The following GUCY1A2 variants were observed in gnomAD, a reference collection of about 807,000 sequenced individuals.
GUCY1A2 encodes the protein guanylate cyclase 1 soluble subunit alpha 2.
In GUCY1A2, 27 loss-of-function variants were observed where a neutral mutation model predicts 63.5. The ratio of observed to expected loss-of-function variants is 0.43; its 90% CI spans 0.31 to 0.59. The LOEUF (loss-of-function observed/expected upper bound fraction) is 0.59. Among genes scored for constraint, GUCY1A2 ranks in the 20% least tolerant of loss-of-function variants. GUCY1A2 has a pLI of 0.11. For synonymous variants in GUCY1A2, 364 were observed against 343.5 expected (o/e 1.06, Z -0.66); for missense variants, 768 against 913.3 (o/e 0.84, Z 2.05).
At chr11:106,997,002 T>G (rs565946857) in intron 1 of GUCY1A2, among the ~76,000 whole-genome samples, 2 of 152,248 alleles carry the variant, frequency 1.3e-5, no homozygotes, top group Non-Finnish European at 2.9e-5. Flanking sequence ...AATCACTTTT[T>G]CTGGAAAAAA....
At chr11:106,904,811 C>T (rs1860181928) in intron 4 of GUCY1A2, among the ~76,000 whole-genome samples, 1 of 151,614 alleles carries the variant, frequency 6.6e-6, no homozygotes, top group African/African-American at 2.4e-5. Context: ...TATGACATGA[C>T]TCCTTGAGGA....
intron 6 of GUCY1A2, among the ~76,000 whole-genome samples, chr11:106,770,763 A>G (rs1318199683): frequency 6.6e-6 from 1 of 151,448 alleles, no homozygotes; most frequent in African/African-American, 2.4e-5. Context: ...ATGTGTTACA[A>G]TACATGTAAA....
intron 2 of GUCY1A2, among the ~76,000 whole-genome samples, chr11:106,979,617 A>G (rs1017258235): frequency 6.6e-6 from 1 of 152,168 alleles, no homozygotes; most frequent in African/African-American, 2.4e-5. Context: ...AAATGGAGGT[A>G]CCTTCTAGAG....
intron 1 of GUCY1A2, among the ~76,000 whole-genome samples, chr11:107,004,445 A>G (rs1275680349): frequency 3.3e-5 from 5 of 152,044 alleles, no homozygotes; most frequent in Non-Finnish European, 7.4e-5. Flanking sequence ...CCCCTCCCCC[A>G]TGAGTTATTT....
chr11:106,761,595 T>C (rs1864067473), intron 6 of GUCY1A2, among the ~76,000 whole-genome samples: 1 of 152,142 alleles, frequency 6.6e-6, no homozygotes, highest in Admixed American at 6.5e-5. Context: ...AATTTTTAAA[T>C]CTAAATATCA....
chr11:106,941,849 TA>T (rs1333590972), intron 3 of GUCY1A2, among the ~76,000 whole-genome samples: 1 of 152,234 alleles, frequency 6.6e-6, no homozygotes, highest in Admixed American at 6.6e-5. Context: ...GTAGAAAACC[TA>T]AGTGAGAAAC....
intron 3 of GUCY1A2, among the ~76,000 whole-genome samples, chr11:106,947,005 T>C (rs555147690): frequency 6.6e-6 from 1 of 152,008 alleles, no homozygotes; most frequent in African/African-American, 2.4e-5. Context: ...GATAATGAAG[T>C]CAGGAATTCG....
chr11:106,855,893 T>TTTTCTTTTTTTTTTTA (rs536833371), intron 4 of GUCY1A2, among the ~76,000 whole-genome samples: 24 of 94,428 alleles, frequency 2.5e-4, no homozygotes, highest in Non-Finnish European at 2.3e-4. Context: ...GTCTCTTGTA[T>TTTTCTTTTTTTTTTTA]TTTATTTATT....
chr11:106,957,855 CT>C (rs59519013), intron 3 of GUCY1A2, among the ~76,000 whole-genome samples: 225 of 87,216 alleles, frequency 2.6e-3, no homozygotes, highest in Non-Finnish European at 4.0e-3. Context: ...AAGGGACAAA[CT>C]TTTTTTTTTT....
Position 106,828,019 on chromosome 11 carries a change from C to G in GUCY1A2, c.1207-17541G>C, listed in dbSNP as rs981419076. ...CCAGAGAATCCGACCTACGGGTGCT[C>G]GGGCCCTTTGCCCACTTTTAATGTA... On this transcript the variant is annotated intron_variant, in intron 4 of 7. Transcript: ENST00000526355. 1.2e-5 allele frequency: 8 copies of G among 654,372 alleles called. No homozygotes were observed. In the Admixed American group the frequency reaches 1.9e-4, roughly 16 times the overall value. The allele number at this position is 654,372 out of a possible 1,614,324, so 40.5% of individuals were successfully genotyped here.
chr11:106,748,880 A>G (rs1422059746), intron 6 of GUCY1A2, among the ~76,000 whole-genome samples: 2 of 152,144 alleles, frequency 1.3e-5, no homozygotes, highest in Non-Finnish European at 2.9e-5. Flanking sequence ...AACAGAATAG[A>G]AAACATCAGA....
intron 5 of GUCY1A2, among the ~76,000 whole-genome samples, chr11:106,804,555 G>C (rs1385743133): frequency 6.6e-6 from 1 of 152,200 alleles, no homozygotes; most frequent in Non-Finnish European, 1.5e-5. Flanking sequence ...ATGCTGAAGT[G>C]ATATCCTTGA....
intron 3 of GUCY1A2, among the ~76,000 whole-genome samples, chr11:106,974,243 A>T (rs1030099760): frequency 6.6e-6 from 1 of 152,132 alleles, no homozygotes; most frequent in African/African-American, 2.4e-5. Flanking sequence ...GAAGTTATTT[A>T]TTGCTATTAA....
intron 6 of GUCY1A2, among the ~76,000 whole-genome samples, chr11:106,766,755 GAGTT>G (rs1353526653): frequency 1.3e-5 from 2 of 151,998 alleles, no homozygotes; most frequent in African/African-American, 4.8e-5. Flanking sequence ...CATATTGTAA[GAGTT>G]AGGCTACTCA....
At chr11:106,959,020 T>G (rs1861026084) in intron 3 of GUCY1A2, among the ~76,000 whole-genome samples, 2 of 152,210 alleles carry the variant, frequency 1.3e-5, no homozygotes, top group South Asian at 4.1e-4. Flanking sequence ...TAAGCACTGC[T>G]TCTTTAGCAT....
intron 6 of GUCY1A2, among the ~76,000 whole-genome samples, chr11:106,722,784 CTGTGTGTGTG>C (rs5794487): frequency 8.3e-4 from 123 of 148,946 alleles, no homozygotes; most frequent in Middle Eastern, 3.4e-3. Context: ...AAGACCAGTT[CTGTGTGTGTG>C]TGTGTGTGTG....
intron 3 of GUCY1A2, 72 bp downstream of exon 3, chr11:106,978,547 G>C: frequency 9.5e-7 from 1 of 1,050,262 alleles, no homozygotes; most frequent in South Asian, 1.6e-5. Flanking sequence ...GGTAGAACAT[G>C]AAACACTTCC....
intron 4 of GUCY1A2, among the ~76,000 whole-genome samples, chr11:106,847,249 T>A (rs981331143): frequency 6.9e-6 from 1 of 145,250 alleles, no homozygotes; most frequent in African/African-American, 2.5e-5. Flanking sequence ...AAAATATATA[T>A]ATATATATAA....
At chr11:106,849,498 C>T (rs1859322342) in intron 4 of GUCY1A2, among the ~76,000 whole-genome samples, 1 of 151,222 alleles carries the variant, frequency 6.6e-6, no homozygotes, top group Non-Finnish European at 1.5e-5. Context: ...GATTTGAAAG[C>T]TAGTACATAG....
Sources: allele counts gnomAD v4.1 joint callset (sites outside exome capture counted in the v4.1 genomes callset), GRCh38; gene constraint gnomAD v4.1.1; transcripts MANE v1.5; gene names NCBI Gene and HGNC (gene_info 2026-07-23, HGNC 2026-07-21).